FGD1: variants seen among roughly 807,000 people sequenced by gnomAD.
FGD1 encodes FYVE, RhoGEF and PH domain-containing protein 1.
A neutral mutation model predicts 65.0 loss-of-function variants in FGD1; 12 were observed. The ratio of observed to expected loss-of-function variants is 0.18; its 90% confidence interval spans 0.12 to 0.30. The LOEUF (loss-of-function observed/expected upper bound fraction) is 0.30. Ranked by LOEUF, FGD1 falls within the 10% of genes least tolerant of loss-of-function variation. The pLI is 1.00. For missense variants in FGD1, 542 were observed against 837.6 expected (o/e 0.65, Z 4.36); for synonymous variants, 333 against 343.9 (o/e 0.97, Z 0.35).
rs1209723632 is a variant in FGD1 at position 54,456,550 on chromosome X, C to T, written c.1654G>A (p.Ala552Thr). 1.7e-6 allele frequency: 2 copies of T among 1,210,356 alleles called. No homozygotes were observed. The highest frequency in any genetic ancestry group is 2.2e-6 in the Non-Finnish European group (2 of 894,733). ...KDAQKSLELIATAAEHSNAAI... is the reference protein window; with the variant it reads ...KDAQKSLELITTAAEHSNAAI... Reference sequence around the variant, plus strand: ...GCATTCGAGTGCTCTGCTGCTGTGGCGATCAGCTCCAGAGACTCTACAGGC... The same window carrying T: ...GCATTCGAGTGCTCTGCTGCTGTGGTGATCAGCTCCAGAGACTCTACAGGC... The change falls in exon 9 of 18, where the codon GCC (alanine) becomes ACC (threonine). Residue 552 changes from alanine to threonine, a missense_variant. Physicochemically the swap from Ala to Thr is moderately conservative, Grantham distance 58. Around this residue, in one of 6 missense-constraint regions of FGD1, gnomAD observed 41 missense variants for 109.5 expected, o/e 0.37. Coordinates refer to ENST00000375135, the MANE Select transcript of FGD1 (RefSeq NM_004463.3).
chrX:54,467,651 C>T (rs1280792921), intron 6 of FGD1, 133 bp downstream of exon 6: 7 of 729,312 alleles, frequency 9.6e-6, no homozygotes, highest in South Asian at 4.8e-5. Flanking sequence ...CCACCGTGCC[C>T]GGCTCTGATT....
Position 54,465,324 on chromosome X carries a change from T to C in FGD1, c.1636+127A>G. 6.6e-6 allele frequency: 5 copies of C among 757,805 alleles called. No individual in the cohort carries two copies. The South Asian group carries it at 1.1e-4, about 17-fold the overall frequency. 62.5% of individuals were successfully genotyped at this position (757,805 alleles called of 1,213,427 possible). A position where few individuals can be genotyped will look rare whatever the true frequency, so the allele number is the denominator to read the frequency against. On this transcript the variant is annotated intron_variant, in intron 8 of 17. Coordinates refer to ENST00000375135, the MANE Select transcript of FGD1 (RefSeq NM_004463.3). ...GCCTTTCAGTTTGGAGATTCTCCTC[T>C]GGGATTTCAATCATGTGGCAATGGA... is the stretch of plus-strand genomic sequence containing the variant.
intron 1 of FGD1, among the ~76,000 whole-genome samples, chrX:54,471,812 C>T (rs2268428): frequency 0.27 from 30,057 of 111,308 alleles, 4,311 homozygotes; most frequent in East Asian, 0.58. Flanking sequence ...TTTATACATG[C>T]GTTTGCAGCC....
intron 15 of FGD1, 86 bp downstream of exon 15, chrX:54,449,057 C>A: frequency 4.2e-6 from 5 of 1,202,318 alleles, no homozygotes; most frequent in South Asian, 1.8e-5. Flanking sequence ...GGCCTCCCCC[C>A]ACTTGGAGGG....
At position 54,447,276 on chromosome X, in the gene FGD1, G is replaced by C. The variant is rs367714019; in HGVS notation, c.2580+35C>G. 3.3e-6 allele frequency: 4 copies of C among 1,205,276 alleles called. No homozygotes were observed. The African/African-American group carries it at 7.0e-5, about 21-fold the overall frequency. On this transcript the variant is annotated intron_variant, in intron 17 of 17. Coordinates refer to ENST00000375135, the MANE Select transcript of FGD1 (RefSeq NM_004463.3). The stretch of plus-strand genomic sequence containing the variant: ...CAAGGACTGGATCTGGCTTTGCCAG[G>C]TGGCTGAAAGGACCCGAAGGAGTAG...
At chrX:54,471,572 G>T in intron 1 of FGD1, 85 bp from the exon 2 acceptor site, 1 of 906,980 alleles carries the variant, frequency 1.1e-6, no homozygotes, top group Non-Finnish European at 1.6e-6. Context: ...GCATGTCTTA[G>T]CAGCTATCTG....
rs143205647 is a variant in FGD1, at chrX:54,465,729, G to A, written c.1464C>T (p.Ser488=). The change falls in exon 7 of 18, where the codon TCC becomes TCT. Residue 488 remains serine, a synonymous_variant. Transcript: ENST00000375135. ...CATGGATGATGACTTTAAACTGGGT[G>A]GAGCGCTCTGTCCAGGTGTTGACCA... The part of the protein sequence containing the change: ...VELVNTWTER[S]TQFKVIIHEV... 1.4e-4 allele frequency: 164 copies of A among 1,209,181 alleles called. No individual in the cohort carries two copies. In the African/African-American group the frequency reaches 2.6e-3, roughly 19 times the overall value.
At chrX:54,447,170 G>A in intron 17 of FGD1, 141 bp downstream of exon 17, 1 of 653,174 alleles carries the variant, frequency 1.5e-6, no homozygotes, top group East Asian at 3.5e-5. Flanking sequence ...TCTCTCAAGG[G>A]TTGGGGTTCT....
At chrX:54,488,269 CAAAAAAAAAAAAAAAA>C (rs57920117) in intron 1 of FGD1, among the ~76,000 whole-genome samples, 159 of 5,448 alleles carry the variant, frequency 0.029, 2 homozygotes, top group African/African-American at 0.06. Context: ...GACTCAGTCT[CAAAAAAAAAAAAAAAA>C]AAAAAAAAAA....
In FGD1 at chrX:54,470,442, G is replaced by A. The variant is rs149366519; in HGVS notation, c.675C>T (p.Val225=). Residue 225 remains valine, a synonymous_variant, in exon 4 of 18, where the codon GTC becomes GTT. Coordinates refer to ENST00000375135, the MANE Select transcript of FGD1 (RefSeq NM_004463.3). ...GGCCAGGGACTGGTCTATCCGAGGC[G>A]ACAATCACAGGCTCTCTGAGGTGGG... ...IEKFEREPVI[V]ASDRPVPGPS... The A allele has an allele frequency of 1.7e-6, 2 of 1,203,472 alleles. No individual in the cohort carries two copies. Among genetic ancestry groups the A allele is most frequent in the South Asian group, 1.8e-5 (1 of 56,279 alleles).
intron 1 of FGD1, among the ~76,000 whole-genome samples, chrX:54,482,878 C>A (rs1923184212): frequency 9.0e-6 from 1 of 111,627 alleles, no homozygotes; most frequent in Non-Finnish European, 1.9e-5. Context: ...GGCAGAGGGG[C>A]AGGAACAAAA....
In FGD1 at chrX:54,470,495, G is replaced by A. The variant is rs1162935718; in HGVS notation, c.660-38C>T. 10 of 1,175,810 alleles carry A rather than the reference G, an allele frequency of 8.5e-6. No individual in the cohort carries two copies. In the African/African-American group the frequency reaches 1.4e-4, roughly 17 times the overall value. ...GTGGACACACATGGAAGCAGGGTAT[G>A]AGCTTGACTGAGAGGCCTCTCCTGA... is the stretch of plus-strand genomic sequence containing the variant. On this transcript the variant is annotated intron_variant, in intron 3 of 17. Coordinates refer to ENST00000375135, the MANE Select transcript of FGD1 (RefSeq NM_004463.3).
intron 17 of FGD1, among the ~76,000 whole-genome samples, chrX:54,446,721 CTTTTT>C (rs1226487472): frequency 2.3e-5 from 2 of 87,669 alleles, no homozygotes; most frequent in Non-Finnish European, 4.4e-5. Flanking sequence ...TATCTGCATA[CTTTTT>C]TTTTTTTTTT....
At chrX:54,489,266 G>A (rs985332892) in intron 1 of FGD1, among the ~76,000 whole-genome samples, 1 of 112,662 alleles carries the variant, frequency 8.9e-6, no homozygotes, top group African/African-American at 3.2e-5. Flanking sequence ...ACATACATGT[G>A]GCCGATAAGC....
chrX:54,458,433 C>T (rs1489027316), intron 8 of FGD1, among the ~76,000 whole-genome samples: 1 of 104,909 alleles, frequency 9.5e-6, no homozygotes, highest in Non-Finnish European at 1.9e-5. Flanking sequence ...CCCAGCTACT[C>T]GGGAGGCTGA....
At position 54,446,113 on chromosome X, in the gene FGD1, G is replaced by A; in HGVS notation, c.2882C>T (p.Thr961Ile). 1 of 1,207,002 alleles carries A rather than the reference G, an allele frequency of 8.3e-7. No individual in the cohort carries two copies. ...PPESPQTRDK[T>I] ...TCCCAGTTTGTCCCAAACCCTCTAG[G>A]TCTTGTCTCGGGTCTGGGGGGATTC... The change falls in exon 18 of 18, where the codon ACC (threonine) becomes ATC (isoleucine). Residue 961 changes from threonine (T) to isoleucine (I), a missense_variant. Coordinates refer to ENST00000375135, the MANE Select transcript of FGD1 (RefSeq NM_004463.3).
At chrX:54,471,550 A>C (rs1323072589) in intron 1 of FGD1, 63 bp from the exon 2 acceptor site, 8 of 1,044,832 alleles carry the variant, frequency 7.7e-6, no homozygotes, top group Non-Finnish European at 1.1e-5. Flanking sequence ...ACTGGGGTTA[A>C]AGTTAGGACT....
intron 16 of FGD1, among the ~76,000 whole-genome samples, chrX:54,448,169 C>T (rs747759016): frequency 1.8e-5 from 2 of 110,382 alleles, no homozygotes; most frequent in Non-Finnish European, 3.8e-5. Context: ...TTTGTAATAA[C>T]AAAAGACAAT....
rs149052584 is a variant in FGD1, at chrX:54,455,456, G to A, written c.2007C>T (p.Leu669=). 13 of 1,206,825 alleles carry A rather than the reference G, an allele frequency of 1.1e-5. No homozygotes were observed. Among genetic ancestry groups the A allele is most frequent in the Non-Finnish European group, 1.5e-5 (13 of 891,990 alleles). Residue 669 remains leucine (L), a synonymous_variant, in exon 12 of 18, where the codon CTC becomes CTT. Transcript: ENST00000375135. ...TAGGCAAGGATAAGTACCTGGCCTGGAGCTCGAGGGAGCGCTGCTTTCCTG... is the reference window on the plus strand; with the variant it reads ...TAGGCAAGGATAAGTACCTGGCCTGAAGCTCGAGGGAGCGCTGCTTTCCTG... ...LVSGKQRSLE[L]QARTEEEKKD... is the part of the protein sequence containing the mutation.
Sources: gnomAD v4.1 joint callset for allele counts (sites outside exome capture counted in the v4.1 genomes callset) on GRCh38, gnomAD v4.1.1 for gene constraint, gnomAD v4.1.1 regional missense constraint, MANE v1.5 for transcripts, NCBI Gene and HGNC (gene_info 2026-07-23, HGNC 2026-07-21) for gene names.